The following SLC24A2 variants were observed in gnomAD, a reference collection of about 807,000 sequenced individuals.
SLC24A2 encodes solute carrier family 24 member 2, also known as sodium/potassium/calcium exchanger 2.
A neutral mutation model predicts 62.0 loss-of-function variants in SLC24A2; 36 were observed. The ratio of observed to expected loss-of-function variants is 0.58; its 90% CI spans 0.44 to 0.77. The LOEUF (loss-of-function observed/expected upper bound fraction) is 0.77, where lower values mean the gene tolerates loss of function less well. Among genes scored for constraint, SLC24A2 ranks in the 30% least tolerant of loss-of-function variants. SLC24A2 has a pLI of 0.00. For synonymous variants in SLC24A2, 358 were observed against 294.0 expected (o/e 1.22, Z -2.23); for missense variants, 846 against 817.9 (o/e 1.03, Z -0.42).
At position 19,673,311 on chromosome 9, in the gene SLC24A2, C is replaced by T. The variant is rs78245821; in HGVS notation, c.931-51012G>A. 2.4e-3 allele frequency among the ~76,000 whole-genome samples: 359 copies of T among 146,790 alleles called. 66 individuals carry two copies. Among genetic ancestry groups the T allele is most frequent in the African/African-American group, 9.2e-3 (344 of 37,322 alleles). ...TAATGTCCCTCTTTGTTCTTTTTCA[C>T]TGCTATTGCTTTAAAGTTTGTTTTG... On this transcript the variant is annotated intron_variant, in intron 2 of 10. Transcript: ENST00000341998.
At chr9:20,176,124 C>G in the SLC24A2 span, among the ~76,000 whole-genome samples, 36,900 of 151,906 alleles carry the variant, frequency 0.24, 5,449 homozygotes, top group African/African-American at 0.42. Context: ...GAGGCACATG[C>G]TAAAAGCTAG....
chr9:20,263,803 T>C, the SLC24A2 span, among the ~76,000 whole-genome samples: 1 of 150,678 alleles, frequency 6.6e-6, no homozygotes, highest in Non-Finnish European at 1.5e-5. Context: ...ACACTTCCAT[T>C]GTTGCAGGAA....
chr9:19,837,642 A>C, the SLC24A2 span, among the ~76,000 whole-genome samples: 4 of 152,264 alleles, frequency 2.6e-5, no homozygotes, highest in African/African-American at 7.2e-5. Context: ...CTGTTTGCAG[A>C]TGACATAATT....
the SLC24A2 span, among the ~76,000 whole-genome samples, chr9:19,936,227 G>T: frequency 1.3e-5 from 2 of 151,956 alleles, no homozygotes; most frequent in African/African-American, 2.4e-5. Context: ...ATGAAGACTT[G>T]CTGACCTCAT....
chr9:20,263,863 C>CCCCCCG, the SLC24A2 span, among the ~76,000 whole-genome samples: 1 of 57,350 alleles, frequency 1.7e-5, no homozygotes, highest in Admixed American at 1.9e-4. Flanking sequence ...TCCCACCCGC[C>CCCCCCG]CCCCCCCCCC....
intron 2 of SLC24A2, among the ~76,000 whole-genome samples, chr9:19,647,292 T>C (rs964577604): frequency 6.6e-6 from 1 of 151,218 alleles, no homozygotes; most frequent in Non-Finnish European, 1.5e-5. Context: ...GTTACAACTC[T>C]TCAAAGCCAC....
At chr9:19,977,113 T>TG in the SLC24A2 span, among the ~76,000 whole-genome samples, 2 of 145,220 alleles carry the variant, frequency 1.4e-5, no homozygotes, top group Non-Finnish European at 3.0e-5. Flanking sequence ...ATTTCTATAT[T>TG]TGTGTGTGTG....
chr9:20,156,461 T>C, the SLC24A2 span, among the ~76,000 whole-genome samples: 2 of 151,688 alleles, frequency 1.3e-5, no homozygotes, highest in African/African-American at 4.8e-5. Flanking sequence ...AAAGTCCTCA[T>C]CTCTCTAGTC....
chr9:19,845,356 C>T, the SLC24A2 span, among the ~76,000 whole-genome samples: 10,198 of 152,118 alleles, frequency 0.067, 343 homozygotes, highest in African/African-American at 0.083. Flanking sequence ...GATTTTTGTA[C>T]ATTAATTTTG....
chr9:19,823,597 C>A, the SLC24A2 span, among the ~76,000 whole-genome samples: 1 of 151,676 alleles, frequency 6.6e-6, no homozygotes, highest in Admixed American at 6.6e-5. Context: ...CCACTGCACT[C>A]CAGCCTGGCA....
chr9:19,963,008 C>T, the SLC24A2 span, among the ~76,000 whole-genome samples: 3 of 152,178 alleles, frequency 2.0e-5, no homozygotes, highest in East Asian at 5.8e-4. Context: ...TCATAGATAG[C>T]TCTTATTATT....
At chr9:19,691,472 TTG>T (rs1820044590) in intron 2 of SLC24A2, among the ~76,000 whole-genome samples, 1 of 152,142 alleles carries the variant, frequency 6.6e-6, no homozygotes, top group South Asian at 2.1e-4. Flanking sequence ...ACAGTGATGG[TTG>T]TGTTCATTTG....
At position 19,513,416 on chromosome 9, in the gene SLC24A2, C is replaced by G. The variant is rs992196671; in HGVS notation, c.*2737G>C. On this transcript the variant is annotated 3_prime_UTR_variant, in exon 11 of 11. Coordinates refer to ENST00000341998, the MANE Select transcript of SLC24A2 (RefSeq NM_020344.4). The stretch of plus-strand genomic sequence containing the variant: ...GGAAAGCAAGGGCAGGCTGTGGAAT[C>G]ACTTGTGTCCCATCCAGTGAGGGAG... The G allele has an allele frequency of 6.6e-6, 1 of 152,042 alleles. No homozygotes were observed. 9.4% of individuals were successfully genotyped at this position (152,042 alleles called of 1,614,324 possible). A position where few individuals can be genotyped will look rare whatever the true frequency, so the allele number is the denominator to read the frequency against.
chr9:19,624,025 G>A (rs1026522503), intron 2 of SLC24A2, among the ~76,000 whole-genome samples: 37 of 152,200 alleles, frequency 2.4e-4, no homozygotes, highest in African/African-American at 8.9e-4. Context: ...GAGTGGACAG[G>A]AAACTGTCCT....
At chr9:19,536,365 C>T (rs1833978183) in intron 8 of SLC24A2, among the ~76,000 whole-genome samples, 1 of 114,274 alleles carries the variant, frequency 8.8e-6, no homozygotes, top group East Asian at 3.0e-4. Flanking sequence ...CCCGACCCCA[C>T]CACAGTCTCC....
intron 2 of SLC24A2, among the ~76,000 whole-genome samples, chr9:19,767,007 T>C (rs982816738): frequency 2.0e-5 from 3 of 152,124 alleles, no homozygotes; most frequent in South Asian, 2.1e-4. Flanking sequence ...AGGAGTAATA[T>C]AGAGAGGCAG....
the SLC24A2 span, among the ~76,000 whole-genome samples, chr9:20,128,280 A>G: frequency 6.6e-6 from 1 of 152,116 alleles, no homozygotes; most frequent in African/African-American, 2.4e-5. Context: ...CTGGTGAGGG[A>G]AGAGATATCA....
the SLC24A2 span, among the ~76,000 whole-genome samples, chr9:20,005,841 C>A: frequency 6.7e-6 from 1 of 149,300 alleles, no homozygotes; most frequent in Non-Finnish European, 1.5e-5. Flanking sequence ...ATCAAGAACT[C>A]CGAGATCCCA....
chr9:19,939,569 G>T, the SLC24A2 span, among the ~76,000 whole-genome samples: 2 of 152,224 alleles, frequency 1.3e-5, no homozygotes, highest in African/African-American at 4.8e-5. Context: ...TGAGTGAGTA[G>T]TGAGTGAATG....
Sources: gnomAD v4.1 joint callset for allele counts (sites outside exome capture counted in the v4.1 genomes callset) on GRCh38, gnomAD v4.1.1 for gene constraint, MANE v1.5 for transcripts, NCBI Gene and HGNC (gene_info 2026-07-23, HGNC 2026-07-21) for gene names.